Variants in CCDC171 observed in about 807,000 individuals in gnomAD.
CCDC171 encodes coiled-coil domain-containing protein 171.
A neutral mutation model predicts 168.2 loss-of-function variants in CCDC171; 177 were observed. That is an observed-to-expected ratio of 1.05 (90% CI 0.93 to 1.19). The LOEUF (loss-of-function observed/expected upper bound fraction) is 1.19, where lower values mean the gene tolerates loss of function less well. Among genes scored for constraint, CCDC171 ranks in the 50% most tolerant of loss-of-function variants. The pLI, the probability that CCDC171 is intolerant of heterozygous loss-of-function variation, is 0.00. For missense variants in CCDC171, 1,991 were observed against 1,539.0 expected (o/e 1.29, Z -4.91); for synonymous variants, 687 against 540.8 (o/e 1.27, Z -3.75).
chr9:15,938,381 A>G (rs1827335238), intron 25 of CCDC171, among the ~76,000 whole-genome samples: 1 of 151,894 alleles, frequency 6.6e-6, no homozygotes, highest in South Asian at 2.1e-4. Flanking sequence ...TACACTATTA[A>G]TAGAGAAGAG....
the CCDC171 span, among the ~76,000 whole-genome samples, chr9:16,071,993 G>C: frequency 5.9e-4 from 90 of 151,904 alleles, no homozygotes; most frequent in Admixed American, 7.2e-4. Flanking sequence ...GCTTTCATGA[G>C]GCATGAGAAG....
chr9:15,699,608 C>T (rs1298586935), intron 11 of CCDC171, among the ~76,000 whole-genome samples: 1 of 151,776 alleles, frequency 6.6e-6, no homozygotes, highest in Non-Finnish European at 1.5e-5. Context: ...TACAGAGTGT[C>T]GACACAAAGG....
At chr9:15,626,250 G>A (rs565343225) in intron 7 of CCDC171, among the ~76,000 whole-genome samples, 4 of 152,224 alleles carry the variant, frequency 2.6e-5, no homozygotes, top group South Asian at 4.1e-4. Flanking sequence ...ATACAATCAC[G>A]TCATCTGAAA....
At chr9:15,563,598 G>A (rs1356142258) in intron 1 of CCDC171, among the ~76,000 whole-genome samples, 2 of 152,124 alleles carry the variant, frequency 1.3e-5, no homozygotes, top group African/African-American at 4.8e-5. Context: ...GTATTCATTT[G>A]TCTACCACTA....
At chr9:15,830,089 C>A (rs16933670) in intron 21 of CCDC171, among the ~76,000 whole-genome samples, 2,782 of 152,256 alleles carry the variant, frequency 0.018, 99 homozygotes, top group African/African-American at 0.063. Flanking sequence ...CAAGCAGTGA[C>A]AACAACTGGT....
At chr9:15,809,407 C>G (rs2059228811) in intron 21 of CCDC171, among the ~76,000 whole-genome samples, 1 of 152,178 alleles carries the variant, frequency 6.6e-6, no homozygotes. Context: ...GGTTCCTGGT[C>G]TCACTGACTT....
intron 25 of CCDC171, among the ~76,000 whole-genome samples, chr9:15,942,652 T>G (rs970719666): frequency 6.6e-6 from 1 of 151,896 alleles, no homozygotes; most frequent in African/African-American, 2.4e-5. Flanking sequence ...GGAAGAAATA[T>G]TCTTTTAAGT....
At chr9:15,826,204 C>T (rs2060004282) in intron 21 of CCDC171, among the ~76,000 whole-genome samples, 1 of 151,802 alleles carries the variant, frequency 6.6e-6, no homozygotes, top group Non-Finnish European at 1.5e-5. Context: ...TCTGTGTTTT[C>T]TTATAGTTTT....
At chr9:15,699,884 G>A (rs2051561300) in intron 11 of CCDC171, among the ~76,000 whole-genome samples, 2 of 152,078 alleles carry the variant, frequency 1.3e-5, no homozygotes. Context: ...CACACCTTGA[G>A]CTAGATACAG....
At chr9:15,571,587 A>G (rs755615563) in intron 2 of CCDC171, 37 bp from the exon 3 acceptor site, 4 of 1,452,496 alleles carry the variant, frequency 2.8e-6, no homozygotes, top group African/African-American at 1.5e-5. Flanking sequence ...GTGCTTTATG[A>G]GAAGCATATA....
In CCDC171 at chr9:15,839,648, C is replaced by A. The variant is rs576588576; in HGVS notation, c.3268-7054C>A. Among the ~76,000 whole-genome samples, 4 of 151,618 alleles carry A rather than the reference C, an allele frequency of 2.6e-5. No individual in the cohort carries two copies. The East Asian group carries it at 7.7e-4, about 29-fold the overall frequency. ...TAGTTGTTACTCAAGTAATTTTCCC[C>A]CCTAGTGATTATAAGGGAAATAACA... is the stretch of plus-strand genomic sequence containing the variant. On this transcript the variant is annotated intron_variant, in intron 21 of 25. Coordinates refer to ENST00000380701, the MANE Select transcript of CCDC171 (RefSeq NM_173550.4).
intron 3 of CCDC171, among the ~76,000 whole-genome samples, chr9:16,000,254 T>A (rs180864904): frequency 5.4e-4 from 82 of 152,282 alleles, no homozygotes; most frequent in Non-Finnish European, 8.8e-4. Context: ...TTTGTAAAAC[T>A]ACAAACCCAA....
chr9:15,949,580 G>A (rs145363729), intron 25 of CCDC171, among the ~76,000 whole-genome samples: 288 of 152,292 alleles, frequency 1.9e-3, no homozygotes, highest in African/African-American at 5.4e-3. Context: ...GTGAATGGGA[G>A]TTCACTCATG....
At chr9:15,676,870 A>G (rs757314755) in intron 9 of CCDC171, among the ~76,000 whole-genome samples, 2 of 152,118 alleles carry the variant, frequency 1.3e-5, no homozygotes, top group Non-Finnish European at 2.9e-5. Flanking sequence ...GAAACTTAAC[A>G]CAGAGTGGCC....
chr9:15,673,759 A>G (rs1489296175), intron 9 of CCDC171, among the ~76,000 whole-genome samples: 1 of 152,166 alleles, frequency 6.6e-6, no homozygotes, highest in African/African-American at 2.4e-5. Context: ...CCAGTATTTT[A>G]ATGAGGATTT....
chr9:16,077,454 G>A, the CCDC171 span, among the ~76,000 whole-genome samples: 1 of 152,156 alleles, frequency 6.6e-6, no homozygotes, highest in Non-Finnish European at 1.5e-5. Flanking sequence ...CTTGACTTTA[G>A]GCTTGGCCAA....
intron 18 of CCDC171, among the ~76,000 whole-genome samples, chr9:15,764,615 G>T (rs1188053185): frequency 6.6e-6 from 1 of 152,170 alleles, no homozygotes. Context: ...AGAAAATCAA[G>T]AGTTTTTTTG....
At chr9:15,722,549 A>C (rs190669809) in intron 12 of CCDC171, among the ~76,000 whole-genome samples, 47 of 152,374 alleles carry the variant, frequency 3.1e-4, no homozygotes, top group Admixed American at 2.7e-3. Flanking sequence ...TCAAATTAGC[A>C]TATGAAGTAA....
chr9:15,744,217 T>G, intron 16 of CCDC171, 56 bp from the exon 17 acceptor site: 1 of 1,394,710 alleles, frequency 7.2e-7, no homozygotes, highest in Non-Finnish European at 9.6e-7. Context: ...TAAAGGGAAA[T>G]TAATATAATG....
Sources: allele counts gnomAD v4.1 joint callset (sites outside exome capture counted in the v4.1 genomes callset), GRCh38; gene constraint gnomAD v4.1.1; transcripts MANE v1.5; gene names NCBI Gene and HGNC (gene_info 2026-07-23, HGNC 2026-07-21).